SVIL: variants seen among roughly 807,000 people sequenced by gnomAD.
SVIL encodes supervillin.
Under a neutral mutation model 240.4 loss-of-function variants are expected in SVIL, and 101 were observed. The ratio of observed to expected loss-of-function variants is 0.42; its 90% confidence interval spans 0.36 to 0.50. The LOEUF (loss-of-function observed/expected upper bound fraction) is 0.50, where lower values mean the gene tolerates loss of function less well. SVIL is among the 20% of genes least tolerant of loss of function. The pLI, the probability that SVIL is intolerant of heterozygous loss-of-function variation, is 0.01. For synonymous variants in SVIL, 999 were observed against 1,100.0 expected (o/e 0.91, Z 1.82); for missense variants, 2,512 against 2,818.7 (o/e 0.89, Z 2.46).
chr10:29,575,013 A>C (rs537708601), intron 1 of SVIL, among the ~76,000 whole-genome samples: 1 of 152,340 alleles, frequency 6.6e-6, no homozygotes, highest in South Asian at 2.1e-4. Flanking sequence ...GCAATTGATT[A>C]TTATTTTTCC....
chr10:29,600,414 C>T (rs1047662085), intron 1 of SVIL, among the ~76,000 whole-genome samples: 9 of 152,196 alleles, frequency 5.9e-5, no homozygotes, highest in East Asian at 1.9e-4. Context: ...CCCAGACATA[C>T]GGCACCAGAA....
chr10:29,458,185 C>A lies in SVIL; in HGVS notation c.*62G>T, dbSNP rs1340637092. On this transcript the variant is annotated 3_prime_UTR_variant, in exon 38 of 38. Transcript: ENST00000355867. ...AAACACCAGTCCAAAAATATATATC[C>A]ATTTCCCTGGTGCAGTGGTGTTGTT... The A allele has an allele frequency of 1.3e-6, 2 of 1,491,442 alleles. No homozygotes were observed. Among genetic ancestry groups the A allele is most frequent in the Non-Finnish European group, 1.8e-6 (2 of 1,088,636 alleles). 92.4% of individuals were successfully genotyped at this position (1,491,442 alleles called of 1,614,324 possible).
At chr10:29,733,209 T>C in intron 1 of SVIL, among the ~76,000 whole-genome samples, 1 of 152,252 alleles carries the variant, frequency 6.6e-6, no homozygotes, top group East Asian at 1.9e-4. Flanking sequence ...TCATTATTAG[T>C]TAACATTTGT....
chr10:29,675,982 T>G (rs1960173089), intron 2 of SVIL, among the ~76,000 whole-genome samples: 1 of 152,162 alleles, frequency 6.6e-6, no homozygotes, highest in Admixed American at 6.5e-5. Context: ...GAGCTGAAAC[T>G]TACCAGATTA....
chr10:29,600,702 T>G (rs755543688), intron 1 of SVIL, among the ~76,000 whole-genome samples: 22 of 152,166 alleles, frequency 1.4e-4, no homozygotes, highest in Non-Finnish European at 2.5e-4. Flanking sequence ...CATGAAATAT[T>G]GGGGCACAAA....
At position 29,523,506 on chromosome 10, in the gene SVIL, G is replaced by C; in HGVS notation, c.3108C>G (p.Pro1036=). 6.2e-7 allele frequency: 1 copy of C among 1,613,786 alleles called. No homozygotes were observed. Among genetic ancestry groups the C allele is most frequent in the East Asian group, 2.2e-5 (1 of 44,880 alleles). The change falls in exon 15 of 38, where the codon CCC becomes CCG. Residue 1036 remains proline (P), a synonymous_variant. Coordinates refer to ENST00000355867, the MANE Select transcript of SVIL (RefSeq NM_021738.3). ...QGNLDLRDRL[P]FEEKVEVENV... ...TCTCCACCTCCACCTTCTCTTCAAA[G>C]GGCAGCCTGTCCCTCAAGTCCAAGT... is the stretch of plus-strand genomic sequence containing the variant.
At chr10:29,546,371 A>G (rs1326579367) in intron 6 of SVIL, among the ~76,000 whole-genome samples, 1 of 152,186 alleles carries the variant, frequency 6.6e-6, no homozygotes, top group African/African-American at 2.4e-5. Context: ...GTGTATTCTT[A>G]GTTTTCTTCA....
At chr10:29,649,734 A>C (rs1350434827) in intron 3 of SVIL, among the ~76,000 whole-genome samples, 1 of 152,220 alleles carries the variant, frequency 6.6e-6, no homozygotes, top group East Asian at 1.9e-4. Context: ...CAAGATGAGC[A>C]GTCCCTAGTC....
chr10:29,580,807 C>T (rs1372239378), intron 1 of SVIL, among the ~76,000 whole-genome samples: 18 of 152,068 alleles, frequency 1.2e-4, no homozygotes, highest in East Asian at 5.8e-4. Context: ...GCTGGGACCA[C>T]GCCTGGCTAT....
Position 29,696,239 on chromosome 10 carries a change from C to T in SVIL, c.-399-9588G>A, listed in dbSNP as rs1194386889. Among the ~76,000 whole-genome samples, 3 of 151,910 alleles carry T rather than the reference C, an allele frequency of 2.0e-5. No homozygotes were observed. The East Asian group carries it at 6.0e-4, about 30-fold the overall frequency. On this transcript the variant is annotated intron_variant, in intron 1 of 35. Coordinates refer to the SVIL transcript ENST00000375400. ...GAGGTGCCAGGATTGCAGACGGAGT[C>T]TCATTCACTTAGTGCTCAATGGTGC... is the stretch of plus-strand genomic sequence containing the variant.
chr10:29,677,752 G>C (rs1480167749), intron 2 of SVIL, among the ~76,000 whole-genome samples: 1 of 152,088 alleles, frequency 6.6e-6, no homozygotes, highest in Non-Finnish European at 1.5e-5. Context: ...CTTACTGTCG[G>C]ATTCCCAATT....
Position 29,711,515 on chromosome 10 carries a change from C to T in SVIL, c.-400+24236G>A, listed in dbSNP as rs542866425. Among the ~76,000 whole-genome samples, 22 of 152,288 alleles carry T rather than the reference C, an allele frequency of 1.4e-4. No individual in the cohort carries two copies. In the South Asian group the frequency reaches 4.1e-3, roughly 29 times the overall value. ...ACTACTCACGCCTGTAATCCCAGCA[C>T]TTTGGGAGGCCAAGGTGGGCAGATC... is the stretch of plus-strand genomic sequence containing the variant. On this transcript the variant is annotated intron_variant, in intron 1 of 35. Coordinates refer to the SVIL transcript ENST00000375400.
chr10:29,523,363 T>C lies in SVIL; in HGVS notation c.3163+88A>G, dbSNP rs149691900. 1.1e-3 allele frequency: 1,464 copies of C among 1,273,416 alleles called. 12 individuals carry two copies. In the African/African-American group the frequency reaches 0.02, roughly 18 times the overall value. 78.9% of individuals were successfully genotyped at this position (1,273,416 alleles called of 1,614,324 possible). On this transcript the variant is annotated intron_variant, in intron 15 of 37. Transcript: ENST00000355867. ...TAGCTGTAAACTGCCTATAGAACTT[T>C]GTTAAAAGCCATCATAGACACAGGA...
Position 29,481,733 on chromosome 10 carries a change from AGGGTGGGAGGGG to A in SVIL, c.4956-17_4956-6del, listed in dbSNP as rs1190352802. On this transcript the variant is annotated splice_polypyrimidine_tract_variant and splice_region_variant and intron_variant, in intron 27 of 37. Coordinates refer to ENST00000355867, the MANE Select transcript of SVIL (RefSeq NM_021738.3). ...TCGGGCCGCCCCTGTCCTTTTCTGT[AGGGTGGGAGGGG>A]GGTTGGGAGAACAGACAGGAAAAGA... The A allele has an allele frequency of 7.5e-7, 1 of 1,325,958 alleles. No individual in the cohort carries two copies. The highest frequency in any genetic ancestry group is 1.1e-6 in the Non-Finnish European group (1 of 943,204). 82.1% of individuals were successfully genotyped at this position (1,325,958 alleles called of 1,614,324 possible). A position where few individuals can be genotyped will look rare whatever the true frequency, so the allele number is the denominator to read the frequency against.
intron 1 of SVIL, among the ~76,000 whole-genome samples, chr10:29,615,636 C>A (rs1957402051): frequency 6.6e-6 from 1 of 152,220 alleles, no homozygotes; most frequent in Non-Finnish European, 1.5e-5. Flanking sequence ...ATCAAACAGG[C>A]TTTCAGCTCT....
intron 1 of SVIL, among the ~76,000 whole-genome samples, chr10:29,596,445 C>T (rs908223204): frequency 6.6e-6 from 1 of 152,146 alleles, no homozygotes; most frequent in African/African-American, 2.4e-5. Flanking sequence ...TGCACTCCAG[C>T]TTGGGCAACA....
intron 3 of SVIL, among the ~76,000 whole-genome samples, chr10:29,649,331 T>A (rs1273978240): frequency 6.6e-6 from 1 of 152,242 alleles, no homozygotes; most frequent in Non-Finnish European, 1.5e-5. Context: ...TTCAATGTTT[T>A]ATGAAAGTAA....
intron 1 of SVIL, among the ~76,000 whole-genome samples, chr10:29,733,515 G>T (rs1001405654): frequency 9.9e-5 from 15 of 152,132 alleles, no homozygotes; most frequent in African/African-American, 3.6e-4. Context: ...ATGTTGTCCA[G>T]GCTGGTCTCA....
chr10:29,654,520 T>A (rs1159548055), intron 3 of SVIL, among the ~76,000 whole-genome samples: 2 of 152,202 alleles, frequency 1.3e-5, no homozygotes, highest in Non-Finnish European at 2.9e-5. Flanking sequence ...GCCTCTTATT[T>A]CATTTTCTTG....
Sources: allele counts gnomAD v4.1 joint callset (sites outside exome capture counted in the v4.1 genomes callset), GRCh38; gene constraint gnomAD v4.1.1; transcripts MANE v1.5; gene names NCBI Gene and HGNC (gene_info 2026-07-23, HGNC 2026-07-21).